Variants in FGF12 observed in about 807,000 individuals in gnomAD.
FGF12 encodes fibroblast growth factor 12B.
In FGF12, 14 loss-of-function variants were observed where a neutral mutation model predicts 23.6. The ratio of observed to expected loss-of-function variants is 0.59; its 90% CI spans 0.39 to 0.93. The LOEUF (loss-of-function observed/expected upper bound fraction) is 0.93, where lower values mean the gene tolerates loss of function less well. Ranked by LOEUF, FGF12 falls within the 40% of genes least tolerant of loss-of-function variation. FGF12 has a pLI of 0.00. For missense variants in FGF12, 175 were observed against 217.8 expected, an observed-to-expected ratio of 0.80 and a Z score of 1.24; for synonymous variants, 62 against 77.3, an observed-to-expected ratio of 0.80 and a Z score of 1.04.
At chr3:192,675,020 T>A (rs1322704457) in intron 2 of FGF12, among the ~76,000 whole-genome samples, 1 of 152,236 alleles carries the variant, frequency 6.6e-6, no homozygotes, top group African/African-American at 2.4e-5. Flanking sequence ...TTTTTAATCC[T>A]ATAAATAGAC....
intron 2 of FGF12, among the ~76,000 whole-genome samples, chr3:192,500,449 C>A (rs1724103234): frequency 6.6e-6 from 1 of 151,428 alleles, no homozygotes; most frequent in Non-Finnish European, 1.5e-5. Flanking sequence ...CCCCCACCCG[C>A]CACACACACA....
intron 2 of FGF12, among the ~76,000 whole-genome samples, chr3:192,697,545 T>A (rs1430304960): frequency 6.6e-6 from 1 of 152,180 alleles, no homozygotes; most frequent in African/African-American, 2.4e-5. Flanking sequence ...AAATGTTACT[T>A]GCCTGAAGGA....
intron 2 of FGF12, among the ~76,000 whole-genome samples, chr3:192,501,609 C>T (rs576664318): frequency 6.6e-6 from 1 of 152,296 alleles, no homozygotes; most frequent in African/African-American, 2.4e-5. Context: ...AACAACACAA[C>T]AACCATACCA....
At chr3:192,491,661 A>G (rs1319050470) in intron 2 of FGF12, among the ~76,000 whole-genome samples, 1 of 152,186 alleles carries the variant, frequency 6.6e-6, no homozygotes, top group Non-Finnish European at 1.5e-5. Flanking sequence ...CTTAATGTAT[A>G]TGATGTTACA....
intron 2 of FGF12, among the ~76,000 whole-genome samples, chr3:192,454,254 G>C (rs1310777143): frequency 6.6e-6 from 1 of 152,040 alleles, no homozygotes; most frequent in African/African-American, 2.4e-5. Flanking sequence ...TAGCCAGAAT[G>C]GTCTCAATCT....
chr3:192,499,938 C>G (rs972724183), intron 2 of FGF12, among the ~76,000 whole-genome samples: 1 of 152,058 alleles, frequency 6.6e-6, no homozygotes, highest in Non-Finnish European at 1.5e-5. Context: ...AGTTACAACC[C>G]AGGTATTATT....
chr3:192,382,807 T>C (rs985898990), intron 2 of FGF12, among the ~76,000 whole-genome samples: 1 of 152,212 alleles, frequency 6.6e-6, no homozygotes, highest in Non-Finnish European at 1.5e-5. Context: ...AATGCCTATA[T>C]TTAAAACTTT....
At chr3:192,180,004 G>C (rs36010294) in intron 4 of FGF12, among the ~76,000 whole-genome samples, 21,986 of 152,118 alleles carry the variant, frequency 0.14, 2,352 homozygotes, top group African/African-American at 0.29. Context: ...AGTCACTGTA[G>C]TTGTGGATCC....
chr3:192,358,700 T>A (rs1350397549), intron 3 of FGF12, among the ~76,000 whole-genome samples: 1 of 152,236 alleles, frequency 6.6e-6, no homozygotes, highest in Non-Finnish European at 1.5e-5. Context: ...CTTCTGTCTC[T>A]GCCCCATGAT....
chr3:192,221,861 A>G (rs11923638), intron 4 of FGF12, among the ~76,000 whole-genome samples: 2,620 of 152,324 alleles, frequency 0.017, 72 homozygotes, highest in African/African-American at 0.06. Flanking sequence ...TGATCATGAT[A>G]TAAATACCAC....
intron 2 of FGF12, among the ~76,000 whole-genome samples, chr3:192,563,471 AC>A (rs1242186166): frequency 2.0e-5 from 3 of 152,204 alleles, no homozygotes; most frequent in African/African-American, 7.2e-5. Context: ...ATGATTTAAT[AC>A]TGGAGACTGA....
intron 2 of FGF12, among the ~76,000 whole-genome samples, chr3:192,690,329 T>C (rs1717902069): frequency 6.6e-6 from 1 of 151,924 alleles, no homozygotes; most frequent in South Asian, 2.1e-4. Context: ...AAAAAAAGTA[T>C]TTGAAATAAC....
intron 2 of FGF12, among the ~76,000 whole-genome samples, chr3:192,615,184 T>G (rs1018687774): frequency 1.3e-5 from 2 of 151,936 alleles, no homozygotes; most frequent in Non-Finnish European, 2.9e-5. Context: ...AGGAAGAAAA[T>G]AATATAAACC....
At chr3:192,516,090 C>A (rs1035599743) in intron 2 of FGF12, among the ~76,000 whole-genome samples, 10 of 151,980 alleles carry the variant, frequency 6.6e-5, no homozygotes, top group African/African-American at 2.4e-4. Flanking sequence ...ATTTTCTCAT[C>A]TTTAAAAGAA....
intron 2 of FGF12, among the ~76,000 whole-genome samples, chr3:192,572,879 G>A (rs1712703055): frequency 6.6e-6 from 1 of 151,916 alleles, no homozygotes; most frequent in Non-Finnish European, 1.5e-5. Context: ...GCCATTTCAT[G>A]GTCATCCTCA....
chr3:192,544,527 T>C (rs1160668939), intron 2 of FGF12, among the ~76,000 whole-genome samples: 1 of 152,344 alleles, frequency 6.6e-6, no homozygotes, highest in East Asian at 1.9e-4. Context: ...AGTGAACTCA[T>C]GTAAATTATC....
At chr3:192,355,165 C>T (rs1196203032) in intron 3 of FGF12, among the ~76,000 whole-genome samples, 2 of 152,086 alleles carry the variant, frequency 1.3e-5, no homozygotes, top group South Asian at 4.1e-4. Flanking sequence ...GGTAACTATC[C>T]TATAAATACA....
At chr3:192,171,306 C>T (rs1715545867) in intron 4 of FGF12, among the ~76,000 whole-genome samples, 1 of 152,076 alleles carries the variant, frequency 6.6e-6, no homozygotes, top group African/African-American at 2.4e-5. Flanking sequence ...CTCAGTGAAA[C>T]ACAGAATGAG....
chr3:192,631,277 A>C (rs1673922690), intron 2 of FGF12, among the ~76,000 whole-genome samples: 1 of 151,870 alleles, frequency 6.6e-6, no homozygotes. Flanking sequence ...AGGTCCTACG[A>C]CTCTGATGCC....
Sources: allele counts gnomAD v4.1 joint callset (sites outside exome capture counted in the v4.1 genomes callset), GRCh38; gene constraint gnomAD v4.1.1; transcripts MANE v1.5; gene names NCBI Gene and HGNC (gene_info 2026-07-23, HGNC 2026-07-21).